The following RGS8 variants were observed in gnomAD, a reference collection of about 807,000 sequenced individuals.
RGS8 encodes the protein regulator of G-protein signaling 8.
RGS8 carries 8 observed loss-of-function variants against 21.7 expected under a neutral mutation model. The ratio of observed to expected loss-of-function variants is 0.37; its 90% CI spans 0.22 to 0.66. The LOEUF is 0.66. Ranked by LOEUF, RGS8 falls within the 30% of genes least tolerant of loss-of-function variation. RGS8 has a pLI of 0.59. For synonymous variants in RGS8, 80 were observed against 83.6 expected, an observed-to-expected ratio of 0.96 and a Z score of 0.24; for missense variants, 157 against 217.9, an observed-to-expected ratio of 0.72 and a Z score of 1.76.
exon 7 of RGS8, chr1:182,646,620 C>T: frequency 1.1e-6 from 1 of 945,448 alleles, no homozygotes; most frequent in South Asian, 1.7e-5. Context: ...TCACCCCCAG[C>T]CTCCCACCCC....
the RGS8 span, among the ~76,000 whole-genome samples, chr1:182,698,451 G>T: frequency 6.6e-6 from 1 of 152,124 alleles, no homozygotes; most frequent in Non-Finnish European, 1.5e-5. Context: ...GTTGATATTT[G>T]TACACTTACA....
At chr1:182,748,032 T>C in the RGS8 span, among the ~76,000 whole-genome samples, 1 of 152,240 alleles carries the variant, frequency 6.6e-6, no homozygotes, top group African/African-American at 2.4e-5. Flanking sequence ...ACATGCTGTT[T>C]TGAAGTACAT....
chr1:182,668,130 A>G (rs931317408), intron 3 of RGS8, among the ~76,000 whole-genome samples: 5 of 152,264 alleles, frequency 3.3e-5, no homozygotes, highest in African/African-American at 1.2e-4. Flanking sequence ...AGAGTTGGGT[A>G]GTTGCAGCAC....
Position 182,648,955 on chromosome 1 carries a change from C to T in RGS8, c.194-652G>A, listed in dbSNP as rs571965893. 3.8e-4 allele frequency among the ~76,000 whole-genome samples: 58 copies of T among 152,172 alleles called. No homozygotes were observed. In the South Asian group the frequency reaches 5.8e-3, roughly 15 times the overall value. ...ATCTCTACTAAATACAAAGAATTAG[C>T]TGGGTGTGGTGGTGCATGCTTGTAA... is the stretch of plus-strand genomic sequence containing the variant. On this transcript the variant is annotated intron_variant, in intron 5 of 6. Coordinates refer to ENST00000483095, the Ensembl canonical transcript of RGS8.
the RGS8 span, among the ~76,000 whole-genome samples, chr1:182,720,026 AAT>A: frequency 6.6e-6 from 1 of 152,216 alleles, no homozygotes; most frequent in East Asian, 1.9e-4. Context: ...CTTCTTCAGA[AAT>A]ATGTTTAGAT....
chr1:182,687,194 C>T (rs778209442), upstream of RGS8, among the ~76,000 whole-genome samples: 1 of 152,088 alleles, frequency 6.6e-6, no homozygotes, highest in Non-Finnish European at 1.5e-5. Flanking sequence ...TGGGAATACG[C>T]ATTTATTTCT....
At position 182,663,655 on chromosome 1, in the gene RGS8, C is replaced by T. The variant is rs192583109; in HGVS notation, c.193+2314G>A. ...GCAAAATCCTCCTGCCTCAGCCTCC[C>T]GAGTAGCTAGGACTGCAGACATTCA... is the stretch of plus-strand genomic sequence containing the variant. On this transcript the variant is annotated intron_variant, in intron 5 of 6. Coordinates refer to ENST00000483095, the Ensembl canonical transcript of RGS8. Among the ~76,000 whole-genome samples, 8 of 151,368 alleles carry T rather than the reference C, an allele frequency of 5.3e-5. No homozygotes were observed. In the East Asian group the frequency reaches 9.7e-4, roughly 18 times the overall value.
chr1:182,697,220 T>TG, the RGS8 span, among the ~76,000 whole-genome samples: 1 of 152,356 alleles, frequency 6.6e-6, no homozygotes, highest in East Asian at 1.9e-4. Context: ...GGTAGAGAAC[T>TG]GGGGCCATTT....
the RGS8 span, among the ~76,000 whole-genome samples, chr1:182,716,133 T>C: frequency 6.6e-6 from 1 of 151,558 alleles, no homozygotes; most frequent in Non-Finnish European, 1.5e-5. Context: ...TTGGTTTTTT[T>C]TTTTTTCCTA....
intron 2 of RGS8, among the ~76,000 whole-genome samples, chr1:182,671,311 A>G (rs1402997473): frequency 6.6e-6 from 1 of 152,170 alleles, no homozygotes; most frequent in Non-Finnish European, 1.5e-5. Context: ...CAGGGCTTTT[A>G]TCCCATTTGG....
At chr1:182,708,532 A>G in the RGS8 span, among the ~76,000 whole-genome samples, 1 of 152,360 alleles carries the variant, frequency 6.6e-6, no homozygotes, top group Admixed American at 6.5e-5. Context: ...CTGATAGCAT[A>G]ATACCCATGA....
upstream of RGS8, among the ~76,000 whole-genome samples, chr1:182,687,965 T>C (rs1238383740): frequency 6.6e-6 from 1 of 152,258 alleles, no homozygotes; most frequent in Non-Finnish European, 1.5e-5. Context: ...TCAGACTACA[T>C]AGAGTTTATG....
chr1:182,710,641 A>T, the RGS8 span, among the ~76,000 whole-genome samples: 2 of 152,132 alleles, frequency 1.3e-5, no homozygotes, highest in African/African-American at 4.8e-5. Flanking sequence ...GGAATAGGTG[A>T]GCTCCAAAAG....
intron 5 of RGS8, among the ~76,000 whole-genome samples, chr1:182,656,166 G>T (rs766512048): frequency 6.6e-6 from 1 of 152,188 alleles, no homozygotes; most frequent in East Asian, 1.9e-4. Context: ...GAGTTACTTT[G>T]TAGTCGCTTG....
intron 5 of RGS8, among the ~76,000 whole-genome samples, chr1:182,662,955 AG>A (rs924027901): frequency 7.7e-6 from 1 of 129,042 alleles, no homozygotes; most frequent in East Asian, 2.1e-4. Context: ...GAGAATGGGG[AG>A]GGGGGGAAAT....
chr1:182,652,697 A>G (rs919006890), intron 5 of RGS8, among the ~76,000 whole-genome samples: 1 of 152,206 alleles, frequency 6.6e-6, no homozygotes, highest in Non-Finnish European at 1.5e-5. Flanking sequence ...AGCCAAGAAA[A>G]CATAATGATG....
At chr1:182,698,009 G>A in the RGS8 span, among the ~76,000 whole-genome samples, 1 of 152,164 alleles carries the variant, frequency 6.6e-6, no homozygotes, top group East Asian at 1.9e-4. Flanking sequence ...GGGAATACTA[G>A]CAATACCAGG....
At chr1:182,729,300 C>A in the RGS8 span, among the ~76,000 whole-genome samples, 1 of 152,192 alleles carries the variant, frequency 6.6e-6, no homozygotes, top group African/African-American at 2.4e-5. Context: ...TTCTAATGGG[C>A]GTCTTCCACA....
chr1:182,725,330 C>T, the RGS8 span, among the ~76,000 whole-genome samples: 2 of 152,310 alleles, frequency 1.3e-5, no homozygotes, highest in Non-Finnish European at 2.9e-5. Context: ...AAACAGACCC[C>T]TAAATATAAC....
Sources: gnomAD v4.1 joint callset for allele counts (sites outside exome capture counted in the v4.1 genomes callset) on GRCh38, gnomAD v4.1.1 for gene constraint, MANE v1.5 for transcripts, NCBI Gene and HGNC (gene_info 2026-07-23, HGNC 2026-07-21) for gene names.